NDUFB3: variants seen among roughly 807,000 people sequenced by gnomAD.
NDUFB3 encodes NADH dehydrogenase [ubiquinone] 1 beta subcomplex subunit 3.
NDUFB3 carries 7 observed loss-of-function variants against 9.0 expected under a neutral mutation model. The observed-to-expected ratio is 0.78, with a 90% CI of 0.44 to 1.46. The LOEUF (loss-of-function observed/expected upper bound fraction) is 1.46. NDUFB3 is among the 40% of genes most tolerant of loss of function. The probability of loss-of-function intolerance (pLI) is 0.01; values close to 1 mark genes in which losing one functional copy is unlikely to be tolerated. For synonymous variants in NDUFB3, 29 were observed against 38.5 expected, an observed-to-expected ratio of 0.75 and a Z score of 0.91; for missense variants, 93 against 115.4, an observed-to-expected ratio of 0.81 and a Z score of 0.89.
intron 1 of NDUFB3, among the ~76,000 whole-genome samples, chr2:201,078,600 T>C (rs1004028847): frequency 6.6e-6 from 1 of 152,230 alleles, no homozygotes; most frequent in Admixed American, 6.5e-5. Flanking sequence ...TTTACTATTA[T>C]TATAATGAAG....
chr2:201,079,874 G>A (rs2047204691), intron 2 of NDUFB3: 1 of 152,132 alleles, frequency 6.6e-6, no homozygotes, highest in South Asian at 2.1e-4. Flanking sequence ...TACTAAAATT[G>A]TAATACAGAG....
intron 2 of NDUFB3, among the ~76,000 whole-genome samples, chr2:201,081,438 G>A (rs1469934588): frequency 6.6e-6 from 1 of 151,682 alleles, no homozygotes; most frequent in Non-Finnish European, 1.5e-5. Context: ...AACCAAGATC[G>A]TGCCACTGCA....
chr2:201,074,483 A>C (rs1575541567), intron 1 of NDUFB3, among the ~76,000 whole-genome samples: 1 of 135,182 alleles, frequency 7.4e-6, no homozygotes, highest in African/African-American at 2.9e-5. Flanking sequence ...TTGAGATAGA[A>C]TCTCACTCTG....
At chr2:201,072,569 T>C (rs2047094659) in intron 1 of NDUFB3, among the ~76,000 whole-genome samples, 1 of 152,174 alleles carries the variant, frequency 6.6e-6, no homozygotes, top group Non-Finnish European at 1.5e-5. Context: ...TTGATCTTCA[T>C]GAGACTTTTA....
At chr2:201,073,543 C>T (rs1430073760) in intron 1 of NDUFB3, among the ~76,000 whole-genome samples, 4 of 152,024 alleles carry the variant, frequency 2.6e-5, no homozygotes, top group East Asian at 3.8e-4. Flanking sequence ...CCGAGGCAGG[C>T]GGATAATGAG....
At chr2:201,075,919 G>T (rs1412927420) in intron 1 of NDUFB3, among the ~76,000 whole-genome samples, 2 of 152,070 alleles carry the variant, frequency 1.3e-5, no homozygotes, top group South Asian at 4.1e-4. Flanking sequence ...ATAAGGGTTT[G>T]TCTTGTTTTA....
At position 201,085,472 on chromosome 2, in the gene NDUFB3, A is replaced by C. The variant is rs139975758; in HGVS notation, c.154A>C (p.Arg52=). 130 of 1,600,890 alleles carry C rather than the reference A, an allele frequency of 8.1e-5. No individual in the cohort carries two copies. The highest frequency in any genetic ancestry group is 1.0e-4 in the Non-Finnish European group (117 of 1,174,806). The change falls in exon 3 of 3, where the codon AGA becomes CGA. Residue 52 remains arginine (R), a synonymous_variant. Transcript: ENST00000237889. Reference sequence around the variant, plus strand: ...TTTTTTTTCTAGCAATGAAGCTTGGAGATACATGGGTGGCTTTGCAAAGAG... The same window carrying C: ...TTTTTTTTCTAGCAATGAAGCTTGGCGATACATGGGTGGCTTTGCAAAGAG... ...RDPWGRNEAW[R]YMGGFAKSVS...
chr2:201,083,728 T>C (rs1388234750), intron 2 of NDUFB3, among the ~76,000 whole-genome samples: 1 of 152,238 alleles, frequency 6.6e-6, no homozygotes, highest in Non-Finnish European at 1.5e-5. Flanking sequence ...TTCCTTTTTA[T>C]TCTGTTAATA....
chr2:201,073,575 T>G (rs2047124009), intron 1 of NDUFB3, among the ~76,000 whole-genome samples: 1 of 152,164 alleles, frequency 6.6e-6, no homozygotes, highest in Non-Finnish European at 1.5e-5. Context: ...GAGACCATTC[T>G]GACCAACATG....
At chr2:201,078,558 G>C (rs997441178) in intron 1 of NDUFB3, among the ~76,000 whole-genome samples, 2 of 152,152 alleles carry the variant, frequency 1.3e-5, no homozygotes, top group African/African-American at 2.4e-5. Flanking sequence ...AGAGGTATTG[G>C]AGTTAATACA....
At chr2:201,072,577 TTA>T (rs1485738905) in intron 1 of NDUFB3, among the ~76,000 whole-genome samples, 1 of 152,200 alleles carries the variant, frequency 6.6e-6, no homozygotes, top group African/African-American at 2.4e-5. Context: ...CATGAGACTT[TTA>T]GATTCACTTC....
rs376318382 is a variant in NDUFB3, at chr2:201,073,506, C to T, written c.-3+1447C>T. Among the ~76,000 whole-genome samples, 35 of 152,280 alleles carry T rather than the reference C, an allele frequency of 2.3e-4. 1 individual carries two copies. In the East Asian group the frequency reaches 6.0e-3, roughly 26 times the overall value. On this transcript the variant is annotated intron_variant, in intron 1 of 2. Coordinates refer to ENST00000237889, the MANE Select transcript of NDUFB3 (RefSeq NM_002491.3). ...TTCTTAGGCTGGGCACGGTGGCTCA[C>T]GCCTGTAATCCCAACACTTTGGGTG...
At position 201,081,844 on chromosome 2, in the gene NDUFB3, C is replaced by G. The variant is rs181690503; in HGVS notation, c.140+2822C>G. On this transcript the variant is annotated intron_variant, in intron 2 of 2. Transcript: ENST00000237889. Reference sequence around the variant, plus strand: ...TTTTTTTTTTTTTTTGAAATGGAGTCTCGCTCTGTCACACAGGCTGGAGTG... The same window carrying G: ...TTTTTTTTTTTTTTTGAAATGGAGTGTCGCTCTGTCACACAGGCTGGAGTG... Among the ~76,000 whole-genome samples, 1,040 of 144,044 alleles carry G rather than the reference C, an allele frequency of 7.2e-3. 16 individuals are homozygous for G. The highest frequency in any genetic ancestry group is 0.026 in the African/African-American group (1,003 of 38,580). 94.5% of individuals were successfully genotyped at this position (144,044 alleles called of 152,430 possible). A position where few individuals can be genotyped will look rare whatever the true frequency, so the allele number is the denominator to read the frequency against.
At chr2:201,072,950 A>G (rs777801291) in intron 1 of NDUFB3, among the ~76,000 whole-genome samples, 2 of 152,164 alleles carry the variant, frequency 1.3e-5, no homozygotes, top group African/African-American at 4.8e-5. Context: ...AGTTACTACA[A>G]TGATTTGTGT....
intron 2 of NDUFB3, among the ~76,000 whole-genome samples, chr2:201,083,534 A>T (rs1282449739): frequency 2.0e-5 from 3 of 151,622 alleles, no homozygotes; most frequent in East Asian, 1.9e-4. Context: ...TTGTTTTTTT[A>T]GTAGAGACTA....
chr2:201,080,805 G>A (rs185354036), intron 2 of NDUFB3, among the ~76,000 whole-genome samples: 1 of 144,956 alleles, frequency 6.9e-6, no homozygotes, highest in Non-Finnish European at 1.5e-5. Context: ...CCGGGTTCAC[G>A]CCATTCTCCT....
intron 2 of NDUFB3, among the ~76,000 whole-genome samples, chr2:201,080,997 C>A (rs879707127): frequency 6.6e-6 from 1 of 151,824 alleles, no homozygotes; most frequent in Non-Finnish European, 1.5e-5. Flanking sequence ...GCCACCGTGC[C>A]CAGCCAAGAT....
intron 2 of NDUFB3, chr2:201,079,833 AGTTTT>A (rs1184374466): frequency 6.6e-6 from 1 of 152,196 alleles, no homozygotes; most frequent in South Asian, 2.1e-4. Flanking sequence ...ATCAGATAAA[AGTTTT>A]GTGGTGCTTG....
At chr2:201,079,131 T>A in intron 2 of NDUFB3, 109 bp downstream of exon 2, 1 of 1,262,812 alleles carries the variant, frequency 7.9e-7, no homozygotes, top group Non-Finnish European at 1.1e-6. Context: ...CTTTTTACTT[T>A]AAAGGGTTTT....
Sources: gnomAD v4.1 joint callset for allele counts (sites outside exome capture counted in the v4.1 genomes callset) on GRCh38, gnomAD v4.1.1 for gene constraint, MANE v1.5 for transcripts, NCBI Gene and HGNC (gene_info 2026-07-23, HGNC 2026-07-21) for gene names.